The following EPB41L4A variants were observed in gnomAD, a reference collection of about 807,000 sequenced individuals.
EPB41L4A encodes erythrocyte membrane protein band 4.1 like 4A, also known as band 4.1-like protein 4A.
EPB41L4A carries 100 observed loss-of-function variants against 108.6 expected under a neutral mutation model. The observed-to-expected ratio is 0.92, with a 90% CI of 0.78 to 1.09. The LOEUF (loss-of-function observed/expected upper bound fraction) is 1.09. Ranked by LOEUF, EPB41L4A falls within the 50% of genes least tolerant of loss-of-function variation. The pLI, the probability that EPB41L4A is intolerant of heterozygous loss-of-function variation, is 0.00. For synonymous variants in EPB41L4A, 319 were observed against 289.0 expected, an observed-to-expected ratio of 1.10 and a Z score of -1.05; for missense variants, 1,030 against 842.7, an observed-to-expected ratio of 1.22 and a Z score of -2.75.
chr5:112,269,295 A>G (rs1752093486), intron 4 of EPB41L4A, among the ~76,000 whole-genome samples: 1 of 152,144 alleles, frequency 6.6e-6, no homozygotes, highest in Non-Finnish European at 1.5e-5. Flanking sequence ...GAAGGCAAAC[A>G]ATTTTTAATT....
chr5:112,194,632 A>G lies in EPB41L4A; in HGVS notation c.1438T>C (p.Cys480Arg). 6.2e-7 allele frequency: 1 copy of G among 1,603,944 alleles called. No individual in the cohort carries two copies. The highest frequency in any genetic ancestry group is 8.5e-7 in the Non-Finnish European group (1 of 1,175,888). ...LKQRRRSRSR[C>R]NTSSGSESEN... ...GATTCACTACCACTGCTGGTGTTAC[A>G]GCGTGAACGTGACCTGAAGACAAAA... The change falls in exon 17 of 23, where the codon TGT becomes CGT. Residue 480 changes from cysteine to arginine, a missense_variant. Cys to Arg is a radical substitution (Grantham distance 180, BLOSUM62 -3). Coordinates refer to ENST00000261486, the MANE Select transcript of EPB41L4A (RefSeq NM_022140.5).
intron 1 of EPB41L4A, among the ~76,000 whole-genome samples, chr5:112,407,133 A>G (rs1019126085): frequency 6.6e-6 from 1 of 152,068 alleles, no homozygotes; most frequent in African/African-American, 2.4e-5. Flanking sequence ...AGTTCGTGTG[A>G]AAGATTTTGT....
intron 1 of EPB41L4A, among the ~76,000 whole-genome samples, chr5:112,405,191 T>C (rs1355309855): frequency 2.6e-5 from 4 of 152,318 alleles, no homozygotes; most frequent in Admixed American, 6.5e-5. Context: ...AGCTGCCATA[T>C]TGCAAAGTAC....
intron 22 of EPB41L4A, 133 bp from the exon 23 acceptor site, chr5:112,165,251 G>T: frequency 1.5e-6 from 1 of 668,134 alleles, no homozygotes; most frequent in South Asian, 2.1e-5. Flanking sequence ...AATACCAAAA[G>T]CTATTCAATA....
At chr5:112,298,138 G>C (rs1010911518) in intron 2 of EPB41L4A, among the ~76,000 whole-genome samples, 2 of 151,994 alleles carry the variant, frequency 1.3e-5, no homozygotes, top group East Asian at 3.9e-4. Flanking sequence ...ATGAACTGTA[G>C]GATTGTTTTT....
At chr5:112,259,859 G>A (rs747242961) in intron 8 of EPB41L4A, 32 bp downstream of exon 8, 2 of 1,552,358 alleles carry the variant, frequency 1.3e-6, no homozygotes, top group East Asian at 2.2e-5. Context: ...CCAAAACATA[G>A]AATGCCAACT....
intron 10 of EPB41L4A, 124 bp from the exon 11 acceptor site, chr5:112,239,861 A>G (rs1749649598): frequency 1.9e-6 from 1 of 515,608 alleles, no homozygotes; most frequent in Admixed American, 3.9e-5. Context: ...CTTCTCCAAC[A>G]TCATGCAATT....
intron 1 of EPB41L4A, among the ~76,000 whole-genome samples, chr5:112,367,097 T>G (rs1759167532): frequency 6.6e-6 from 1 of 152,124 alleles, no homozygotes; most frequent in African/African-American, 2.4e-5. Flanking sequence ...CTTTCCACAT[T>G]AAAGACAGGG....
intron 15 of EPB41L4A, 21 bp from the exon 16 acceptor site, chr5:112,195,729 A>T (rs750983752): frequency 6.2e-7 from 1 of 1,607,430 alleles, no homozygotes; most frequent in South Asian, 1.1e-5. Context: ...AAATGAAGAC[A>T]TTTAAGAAAA....
chr5:112,214,625 G>A (rs1229854853), intron 12 of EPB41L4A, among the ~76,000 whole-genome samples: 3 of 152,174 alleles, frequency 2.0e-5, no homozygotes, highest in African/African-American at 7.2e-5. Flanking sequence ...ATTTAGCCAG[G>A]TGTGGTGGTG....
At chr5:112,396,282 T>C (rs1761347459) in intron 1 of EPB41L4A, among the ~76,000 whole-genome samples, 1 of 152,084 alleles carries the variant, frequency 6.6e-6, no homozygotes, top group African/African-American at 2.4e-5. Flanking sequence ...AAGAAAACCA[T>C]TTCACTTTTA....
chr5:112,166,430 G>C (rs957099775), intron 22 of EPB41L4A, among the ~76,000 whole-genome samples: 2 of 152,130 alleles, frequency 1.3e-5, no homozygotes, highest in Non-Finnish European at 2.9e-5. Flanking sequence ...CTCACTGCAT[G>C]TTGGTCTTTC....
intron 12 of EPB41L4A, among the ~76,000 whole-genome samples, chr5:112,214,463 G>A (rs1747463425): frequency 6.6e-6 from 1 of 152,122 alleles, no homozygotes; most frequent in South Asian, 2.1e-4. Flanking sequence ...CCCACTTCAA[G>A]AATTAAAACA....
intron 1 of EPB41L4A, among the ~76,000 whole-genome samples, chr5:112,368,939 C>A (rs1306554386): frequency 6.6e-6 from 1 of 152,174 alleles, no homozygotes; most frequent in Non-Finnish European, 1.5e-5. Context: ...AACCCTCCAG[C>A]CCCCGTTCTC....
chr5:112,346,216 A>ATTT lies in EPB41L4A; in HGVS notation c.100-38729_100-38727dup, dbSNP rs561328868. ...AATTCTTTAAAGTTAGGTACATTGCATTTTTTTTTTTTTTTTTTTTTTTTT... is the reference window on the plus strand; with the variant it reads ...AATTCTTTAAAGTTAGGTACATTGCATTTTTTTTTTTTTTTTTTTTTTTTTTTT... On this transcript the variant is annotated intron_variant, in intron 1 of 22. Transcript: ENST00000261486. 7.6e-4 allele frequency among the ~76,000 whole-genome samples: 51 copies of ATTT among 67,330 alleles called. 7 individuals are homozygous for ATTT. Among genetic ancestry groups the ATTT allele is most frequent in the Non-Finnish European group, 1.1e-3 (35 of 32,324 alleles). 44.2% of individuals were successfully genotyped at this position (67,330 alleles called of 152,430 possible). A position where few individuals can be genotyped will look rare whatever the true frequency, so the allele number is the denominator to read the frequency against.
chr5:112,261,736 A>T (rs1020801837), intron 7 of EPB41L4A, among the ~76,000 whole-genome samples: 3 of 152,232 alleles, frequency 2.0e-5, no homozygotes, highest in African/African-American at 7.2e-5. Context: ...GGTAACCTTC[A>T]TATTGACAGA....
chr5:112,239,806 C>A, intron 10 of EPB41L4A, 69 bp from the exon 11 acceptor site: 1 of 1,009,132 alleles, frequency 9.9e-7, no homozygotes, highest in South Asian at 1.5e-5. Flanking sequence ...ACCCCCTTCT[C>A]CTAACACAAA....
intron 1 of EPB41L4A, among the ~76,000 whole-genome samples, chr5:112,379,714 A>T (rs1458614782): frequency 6.6e-6 from 1 of 152,238 alleles, no homozygotes; most frequent in Non-Finnish European, 1.5e-5. Flanking sequence ...AGTCCTGGCC[A>T]GCATTTACCA....
At chr5:112,354,443 C>G (rs1328085133) in intron 1 of EPB41L4A, among the ~76,000 whole-genome samples, 1 of 152,138 alleles carries the variant, frequency 6.6e-6, no homozygotes, top group East Asian at 1.9e-4. Flanking sequence ...AAAATATAGA[C>G]TCAGCTCTCC....
Sources: allele counts gnomAD v4.1 joint callset (sites outside exome capture counted in the v4.1 genomes callset), GRCh38; gene constraint gnomAD v4.1.1; transcripts MANE v1.5; gene names NCBI Gene and HGNC (gene_info 2026-07-23, HGNC 2026-07-21).